DNER: variants seen among roughly 807,000 people sequenced by gnomAD.
DNER encodes delta and Notch-like epidermal growth factor-related receptor.
DNER carries 33 observed loss-of-function variants against 78.2 expected under a neutral mutation model. The observed-to-expected ratio is 0.42, with a 90% CI of 0.32 to 0.56. The LOEUF is 0.56. Among genes scored for constraint, DNER ranks in the 20% least tolerant of loss-of-function variants. The pLI is 0.11. For missense variants in DNER, 918 were observed against 975.3 expected (o/e 0.94, Z 0.78); for synonymous variants, 417 against 384.8 (o/e 1.08, Z -0.98).
intron 10 of DNER, among the ~76,000 whole-genome samples, chr2:229,391,610 C>T (rs746876519): frequency 1.3e-5 from 2 of 152,136 alleles, no homozygotes; most frequent in African/African-American, 2.4e-5. Flanking sequence ...GGCACAATCT[C>T]GGCTCACTGC....
At chr2:229,372,597 T>C (rs1692510461) in intron 11 of DNER, among the ~76,000 whole-genome samples, 1 of 152,180 alleles carries the variant, frequency 6.6e-6, no homozygotes. Flanking sequence ...TAGTAACTTA[T>C]TTATTTTAAT....
intron 1 of DNER, among the ~76,000 whole-genome samples, chr2:229,610,991 C>A (rs1698035636): frequency 6.6e-6 from 1 of 152,224 alleles, no homozygotes; most frequent in Non-Finnish European, 1.5e-5. Flanking sequence ...ATTGTTTCAA[C>A]ATTAGATCCT....
At chr2:229,601,112 G>A (rs555483808) in intron 1 of DNER, among the ~76,000 whole-genome samples, 2 of 152,282 alleles carry the variant, frequency 1.3e-5, no homozygotes, top group Admixed American at 1.3e-4. Flanking sequence ...GATGGGACTA[G>A]AACATTCTAA....
At chr2:229,390,578 AGATGGTGGG>A (rs1692992021) in intron 10 of DNER, among the ~76,000 whole-genome samples, 1 of 152,240 alleles carries the variant, frequency 6.6e-6, no homozygotes, top group Admixed American at 6.5e-5. Context: ...GTAAGAATGG[AGATGGTGGG>A]GAAAAAAATA....
intron 4 of DNER, among the ~76,000 whole-genome samples, chr2:229,584,964 G>C (rs980848311): frequency 1.3e-5 from 2 of 151,988 alleles, no homozygotes; most frequent in East Asian, 1.9e-4. Context: ...AGTTTGAGAA[G>C]GTTAAACTAC....
intron 12 of DNER, among the ~76,000 whole-genome samples, chr2:229,366,201 T>C (rs1221337804): frequency 6.6e-6 from 1 of 152,196 alleles, no homozygotes; most frequent in Non-Finnish European, 1.5e-5. Flanking sequence ...AAAAAGTATA[T>C]ATATTTGTAA....
intron 1 of DNER, among the ~76,000 whole-genome samples, chr2:229,689,851 G>A (rs1463545707): frequency 1.3e-5 from 2 of 152,182 alleles, no homozygotes; most frequent in Non-Finnish European, 2.9e-5. Context: ...TTTGCTGTGA[G>A]CTATTATAGA....
At chr2:229,603,433 A>C (rs1283464167) in intron 1 of DNER, among the ~76,000 whole-genome samples, 1 of 152,238 alleles carries the variant, frequency 6.6e-6, no homozygotes, top group African/African-American at 2.4e-5. Flanking sequence ...AAGAATATTA[A>C]TGAGCTGGAT....
At chr2:229,361,076 C>T (rs987436224) in intron 12 of DNER, among the ~76,000 whole-genome samples, 3 of 152,092 alleles carry the variant, frequency 2.0e-5, no homozygotes, top group African/African-American at 7.2e-5. Context: ...AAAATGACGT[C>T]GTTTATAGAA....
intron 5 of DNER, among the ~76,000 whole-genome samples, chr2:229,542,142 CCT>C (rs1288918602): frequency 1.3e-5 from 2 of 151,836 alleles, no homozygotes; most frequent in African/African-American, 4.8e-5. Flanking sequence ...GTGCTGATGC[CCT>C]GACACTCACC....
In DNER at chr2:229,586,011, C is replaced by T. The variant is rs1468806339; in HGVS notation, c.694G>A (p.Ala232Thr). The change falls in exon 4 of 13, where the codon GCC becomes ACC. Residue 232 changes from alanine (A) to threonine (T), a missense_variant. Physicochemically the swap from Ala to Thr is moderately conservative, Grantham distance 58. Transcript: ENST00000341772. ...QNTSVKIRQD[A>T]TASLILLWKV... ...CAGAGCAAAATCAGTGAGGCAGTGGCATCTTGCCGAATCCTGGAAACAGGA... is the reference window on the plus strand; with the variant it reads ...CAGAGCAAAATCAGTGAGGCAGTGGTATCTTGCCGAATCCTGGAAACAGGA... 3 of 1,610,990 alleles carry T rather than the reference C, an allele frequency of 1.9e-6. No individual in the cohort carries two copies. Among genetic ancestry groups the T allele is most frequent in the Admixed American group, 1.7e-5 (1 of 59,030 alleles).
chr2:229,432,488 A>G lies in DNER; in HGVS notation c.1487-14258T>C, dbSNP rs2106355745. Among the ~76,000 whole-genome samples, 2 of 152,352 alleles carry G rather than the reference A, an allele frequency of 1.3e-5. 1 individual carries two copies. Among genetic ancestry groups the G allele is most frequent in the South Asian group, 4.1e-4 (2 of 4,834 alleles). On this transcript the variant is annotated intron_variant, in intron 8 of 12. Transcript: ENST00000341772. ...GCATACTAACAAAGAGAAATTTTAA[A>G]CGGTATAAAAGTATAGAAGAGTTTT... is the stretch of plus-strand genomic sequence containing the variant.
intron 6 of DNER, among the ~76,000 whole-genome samples, chr2:229,510,310 G>C (rs1049822819): frequency 6.6e-6 from 1 of 152,240 alleles, no homozygotes; most frequent in Non-Finnish European, 1.5e-5. Flanking sequence ...ATCTCACTGC[G>C]AAGGGATGCC....
At position 229,563,016 on chromosome 2, in the gene DNER, CCAT is replaced by C. The variant is rs1408114324; in HGVS notation, c.848-15927_848-15925del. 6.6e-5 allele frequency among the ~76,000 whole-genome samples: 10 copies of C among 150,962 alleles called. No individual in the cohort carries two copies. The South Asian group carries it at 8.5e-4, about 13-fold the overall frequency. Reference sequence around the variant, plus strand: ...CATCATCAACATCATCACCCCACCACCATCATCATCATCCTCCTCACCCCATCA... The same window carrying C: ...CATCATCAACATCATCACCCCACCACCATCATCATCCTCCTCACCCCATCA... On this transcript the variant is annotated intron_variant, in intron 4 of 12. Transcript: ENST00000341772.
intron 10 of DNER, among the ~76,000 whole-genome samples, chr2:229,406,067 GA>G (rs2106343396): frequency 6.6e-6 from 1 of 152,294 alleles, no homozygotes; most frequent in South Asian, 2.1e-4. Context: ...TAAATAGAAG[GA>G]AAATCAGAAG....
At chr2:229,668,301 A>G (rs577667242) in intron 1 of DNER, among the ~76,000 whole-genome samples, 2 of 151,730 alleles carry the variant, frequency 1.3e-5, no homozygotes, top group East Asian at 3.9e-4. Flanking sequence ...TGCCTTTTAT[A>G]CCTGCTCAAA....
At chr2:229,569,967 G>A (rs912576130) in intron 4 of DNER, among the ~76,000 whole-genome samples, 2 of 152,130 alleles carry the variant, frequency 1.3e-5, no homozygotes, top group African/African-American at 4.8e-5. Context: ...GTTTCAGAGG[G>A]CCATAATTTT....
At chr2:229,367,214 A>C (rs780209701) in intron 11 of DNER, 95 bp from the exon 12 acceptor site, 5 of 1,509,536 alleles carry the variant, frequency 3.3e-6, no homozygotes, top group Non-Finnish European at 4.4e-6. Context: ...TTAAAACCTA[A>C]GGGCCATTCA....
chr2:229,418,154 C>T lies in DNER; in HGVS notation c.1563G>A (p.Arg521=), dbSNP rs1693690168. ...SAPCLNAATC[R]DLVNGYECVC... is the part of the protein sequence containing the mutation. ...CACACTCATAGCCATTAACGAGGTC[C>T]CTGCAGGTGGCTGCATTCAGGCATG... is the stretch of plus-strand genomic sequence containing the variant. Residue 521 remains arginine (R), a synonymous_variant, in exon 9 of 13, where the codon AGG becomes AGA. Transcript: ENST00000341772. The T allele has an allele frequency of 6.2e-7, 1 of 1,614,038 alleles. No individual in the cohort carries two copies. Among genetic ancestry groups the T allele is most frequent in the Admixed American group, 1.7e-5 (1 of 60,000 alleles).
Sources: gnomAD v4.1 joint callset for allele counts (sites outside exome capture counted in the v4.1 genomes callset) on GRCh38, gnomAD v4.1.1 for gene constraint, MANE v1.5 for transcripts, NCBI Gene and HGNC (gene_info 2026-07-23, HGNC 2026-07-21) for gene names.